CTNND2: variants seen among roughly 807,000 people sequenced by gnomAD.
The protein encoded by CTNND2 is catenin delta 2.
CTNND2 carries 22 observed loss-of-function variants against 144.4 expected under a neutral mutation model. That is an observed-to-expected ratio of 0.15 (90% CI 0.11 to 0.22). The LOEUF (loss-of-function observed/expected upper bound fraction) is 0.22. Among genes scored for constraint, CTNND2 ranks in the 10% least tolerant of loss-of-function variants. The probability of loss-of-function intolerance (pLI) is 1.00; values close to 1 mark genes in which losing one functional copy is unlikely to be tolerated. For missense variants in CTNND2, 1,353 were observed against 1,618.8 expected (o/e 0.84, Z 2.82); for synonymous variants, 751 against 695.6 (o/e 1.08, Z -1.25).
chr5:11,180,220 G>T (rs529039578), intron 11 of CTNND2, among the ~76,000 whole-genome samples: 1 of 152,000 alleles, frequency 6.6e-6, no homozygotes, highest in East Asian at 1.9e-4. Context: ...CACTTCCCCC[G>T]CATCGCTCTC....
intron 6 of CTNND2, among the ~76,000 whole-genome samples, chr5:11,396,160 T>C (rs538431807): frequency 2.0e-5 from 3 of 152,256 alleles, no homozygotes; most frequent in South Asian, 2.1e-4. Flanking sequence ...AAACGTGGTG[T>C]GGGGCTTGCA....
intron 1 of CTNND2, among the ~76,000 whole-genome samples, chr5:11,788,417 A>T (rs922500671): frequency 6.6e-6 from 1 of 152,168 alleles, no homozygotes; most frequent in Admixed American, 6.5e-5. Context: ...TAGGGCCTTT[A>T]ATCAACTTGG....
chr5:11,473,105 GT>G lies in CTNND2; in HGVS notation c.288-61037del, dbSNP rs1165688130. ...GAAAGAAAGAAAAAATTAGTGACAGGTCCAAATATTCTGTAGAAAATACAAA... is the reference window on the plus strand; with the variant it reads ...GAAAGAAAGAAAAAATTAGTGACAGGCCAAATATTCTGTAGAAAATACAAA... On this transcript the variant is annotated intron_variant, in intron 3 of 21. Transcript: ENST00000304623. Among the ~76,000 whole-genome samples, 25 of 152,210 alleles carry G rather than the reference GT, an allele frequency of 1.6e-4. No homozygotes were observed. The East Asian group carries it at 4.6e-3, about 28-fold the overall frequency.
intron 3 of CTNND2, among the ~76,000 whole-genome samples, chr5:11,549,995 C>T (rs1385188040): frequency 2.6e-5 from 4 of 152,068 alleles, no homozygotes; most frequent in East Asian, 1.9e-4. Context: ...TATCTATTCA[C>T]GCATATAACA....
chr5:11,598,859 A>T (rs1199361328), intron 2 of CTNND2, among the ~76,000 whole-genome samples: 1 of 152,202 alleles, frequency 6.6e-6, no homozygotes, highest in Non-Finnish European at 1.5e-5. Context: ...GCTGCTATCA[A>T]GAACTACCTG....
intron 1 of CTNND2, among the ~76,000 whole-genome samples, chr5:11,746,081 G>T (rs1304079116): frequency 1.3e-5 from 2 of 152,126 alleles, no homozygotes; most frequent in Non-Finnish European, 2.9e-5. Flanking sequence ...GTATGAGGCT[G>T]TTCTTGCCCT....
At chr5:10,981,676 T>C in intron 21 of CTNND2, 97 bp downstream of exon 21, 1 of 1,211,124 alleles carries the variant, frequency 8.3e-7, no homozygotes, top group Non-Finnish European at 1.2e-6. Flanking sequence ...TTTTCAGTTC[T>C]TTATGTATGT....
At chr5:11,650,277 A>T (rs1264000721) in intron 2 of CTNND2, among the ~76,000 whole-genome samples, 2 of 152,078 alleles carry the variant, frequency 1.3e-5, no homozygotes, top group Non-Finnish European at 2.9e-5. Flanking sequence ...CTTCACCTTC[A>T]CCTTCAGCCA....
chr5:11,377,155 A>G (rs1484086758), intron 7 of CTNND2, among the ~76,000 whole-genome samples: 1 of 151,724 alleles, frequency 6.6e-6, no homozygotes, highest in African/African-American at 2.4e-5. Context: ...GGTTCAAGCA[A>G]TGCTCCTGCC....
chr5:11,724,671 C>G (rs983365979), intron 2 of CTNND2, among the ~76,000 whole-genome samples: 3 of 152,120 alleles, frequency 2.0e-5, no homozygotes, highest in African/African-American at 7.2e-5. Flanking sequence ...CAGAGTTCTA[C>G]TTTTCAGAAT....
intron 9 of CTNND2, among the ~76,000 whole-genome samples, chr5:11,314,277 G>T (rs1464697745): frequency 6.6e-6 from 1 of 152,100 alleles, no homozygotes; most frequent in East Asian, 1.9e-4. Flanking sequence ...CTAAAGTCTG[G>T]AAATGTGCTC....
intron 1 of CTNND2, among the ~76,000 whole-genome samples, chr5:11,867,015 T>G (rs1480447484): frequency 6.6e-6 from 1 of 152,240 alleles, no homozygotes; most frequent in Non-Finnish European, 1.5e-5. Context: ...TCTTCTCTTC[T>G]TAGCCTTGTT....
At chr5:11,148,933 G>C (rs748316252) in intron 12 of CTNND2, among the ~76,000 whole-genome samples, 11 of 152,202 alleles carry the variant, frequency 7.2e-5, no homozygotes, top group Non-Finnish European at 1.3e-4. Context: ...AGCTGCTTAG[G>C]AGTGACAGGG....
intron 3 of CTNND2, among the ~76,000 whole-genome samples, chr5:11,454,988 C>T (rs528745291): frequency 6.6e-6 from 1 of 150,564 alleles, no homozygotes; most frequent in Admixed American, 6.6e-5. Context: ...AAATGGAATG[C>T]TGGCAAATAA....
chr5:11,170,235 G>C (rs377669111), intron 11 of CTNND2, among the ~76,000 whole-genome samples: 2 of 152,122 alleles, frequency 1.3e-5, no homozygotes, highest in East Asian at 3.9e-4. Context: ...GAAGAGATGT[G>C]GCGTGCTATC....
intron 9 of CTNND2, among the ~76,000 whole-genome samples, chr5:11,321,646 T>C (rs1385583786): frequency 6.6e-6 from 1 of 152,128 alleles, no homozygotes; most frequent in Non-Finnish European, 1.5e-5. Flanking sequence ...AAGAGAAAGA[T>C]GGGAAACTTG....
At chr5:11,846,352 T>G (rs1794735015) in intron 1 of CTNND2, among the ~76,000 whole-genome samples, 1 of 152,138 alleles carries the variant, frequency 6.6e-6, no homozygotes, top group Non-Finnish European at 1.5e-5. Context: ...AAAGGTGCTG[T>G]GTTTTTAAGC....
chr5:11,188,091 C>T (rs185325677), intron 11 of CTNND2, among the ~76,000 whole-genome samples: 29 of 152,236 alleles, frequency 1.9e-4, no homozygotes, highest in Admixed American at 3.3e-4. Context: ...ACCCAGCAAT[C>T]CCATTACTAA....
At chr5:11,298,777 C>A (rs1266895954) in intron 9 of CTNND2, among the ~76,000 whole-genome samples, 2 of 152,188 alleles carry the variant, frequency 1.3e-5, no homozygotes, top group Admixed American at 6.5e-5. Context: ...CCAGACTCCA[C>A]CATTCACAGT....
Sources: allele counts gnomAD v4.1 joint callset (sites outside exome capture counted in the v4.1 genomes callset), GRCh38; gene constraint gnomAD v4.1.1; transcripts MANE v1.5; gene names NCBI Gene and HGNC (gene_info 2026-07-23, HGNC 2026-07-21).